The following NXPE2 variants were observed in gnomAD, a reference collection of about 807,000 sequenced individuals.
NXPE2 encodes NXPE family member 2.
In NXPE2, 34 loss-of-function variants were observed where a neutral mutation model predicts 34.4. The ratio of observed to expected loss-of-function variants is 0.99; its 90% confidence interval spans 0.75 to 1.31. The LOEUF (loss-of-function observed/expected upper bound fraction) is 1.31, where lower values mean the gene tolerates loss of function less well. Among genes scored for constraint, NXPE2 ranks in the 40% most tolerant of loss-of-function variants. The probability of loss-of-function intolerance (pLI) is 0.00; values close to 1 mark genes in which losing one functional copy is unlikely to be tolerated. For synonymous variants in NXPE2, 235 were observed against 231.3 expected (o/e 1.02, Z -0.15); for missense variants, 649 against 672.5 (o/e 0.97, Z 0.39).
the NXPE2 span, among the ~76,000 whole-genome samples, chr11:114,723,867 A>G: frequency 2.7e-4 from 41 of 152,298 alleles, no homozygotes; most frequent in Admixed American, 9.2e-4. Flanking sequence ...TGGAATCACA[A>G]GCAATGTGGC....
chr11:114,471,593 A>G, the NXPE2 span, among the ~76,000 whole-genome samples: 70 of 152,324 alleles, frequency 4.6e-4, no homozygotes, highest in South Asian at 4.1e-3. Flanking sequence ...GTAAACAACA[A>G]GAAGCATAGA....
At chr11:114,643,925 C>A in the NXPE2 span, among the ~76,000 whole-genome samples, 2 of 151,800 alleles carry the variant, frequency 1.3e-5, no homozygotes, top group Non-Finnish European at 2.9e-5. Context: ...TTTTTGTGTC[C>A]TCTCTTATTT....
the NXPE2 span, among the ~76,000 whole-genome samples, chr11:114,628,442 A>G: frequency 5.3e-5 from 8 of 152,122 alleles, no homozygotes; most frequent in African/African-American, 1.2e-4. Context: ...ACGAAATGAA[A>G]GCAGAAATAA....
the NXPE2 span, chr11:114,551,398 T>C: frequency 1.3e-5 from 18 of 1,347,046 alleles, no homozygotes; most frequent in Non-Finnish European, 1.7e-5. Flanking sequence ...GGATACTTCT[T>C]GTCGAGGTTT....
the NXPE2 span, among the ~76,000 whole-genome samples, chr11:114,716,817 C>T: frequency 2.0e-5 from 3 of 152,080 alleles, no homozygotes; most frequent in Non-Finnish European, 4.4e-5. Context: ...TTTAATGTTC[C>T]ATACTTTAAG....
At chr11:114,590,986 A>T in the NXPE2 span, among the ~76,000 whole-genome samples, 2 of 152,162 alleles carry the variant, frequency 1.3e-5, no homozygotes, top group Non-Finnish European at 2.9e-5. Flanking sequence ...CCCCAAGAAA[A>T]CTGGGGAACC....
At chr11:114,601,787 A>T in the NXPE2 span, among the ~76,000 whole-genome samples, 4 of 71,792 alleles carry the variant, frequency 5.6e-5, no homozygotes, top group Non-Finnish European at 7.0e-5. Context: ...ATTATATAAC[A>T]TGTGATATAT....
chr11:114,571,328 G>A, the NXPE2 span: 6 of 1,613,906 alleles, frequency 3.7e-6, no homozygotes, highest in African/African-American at 2.7e-5. Context: ...CCCGGGTGAG[G>A]TACTCCATCT....
At chr11:114,500,998 T>C in the NXPE2 span, among the ~76,000 whole-genome samples, 7 of 152,332 alleles carry the variant, frequency 4.6e-5, no homozygotes, top group African/African-American at 1.4e-4. Context: ...CTGTATTTGA[T>C]ACTCTCTTTG....
chr11:114,654,553 A>C, the NXPE2 span, among the ~76,000 whole-genome samples: 2 of 151,930 alleles, frequency 1.3e-5, no homozygotes, highest in African/African-American at 4.8e-5. Context: ...ACTCCCACTT[A>C]TGAGTGAGAA....
chr11:114,720,828 C>T, the NXPE2 span, among the ~76,000 whole-genome samples: 2 of 152,122 alleles, frequency 1.3e-5, no homozygotes, highest in African/African-American at 4.8e-5. Context: ...CAGGTCCAGG[C>T]ACAGTTGAGC....
the NXPE2 span, among the ~76,000 whole-genome samples, chr11:114,659,498 TAATATC>T: frequency 1.7e-4 from 26 of 148,614 alleles, 1 homozygote; most frequent in Admixed American, 1.8e-3. Flanking sequence ...AGATGTGAAA[TAATATC>T]AAGTGGTCTA....
At chr11:114,779,273 T>G in the NXPE2 span, among the ~76,000 whole-genome samples, 11 of 152,090 alleles carry the variant, frequency 7.2e-5, no homozygotes, top group Admixed American at 7.2e-4. Flanking sequence ...GGAAGAGCAT[T>G]TAACTTTTTC....
the NXPE2 span, among the ~76,000 whole-genome samples, chr11:114,621,240 C>T: frequency 1.3e-5 from 2 of 152,026 alleles, no homozygotes; most frequent in African/African-American, 4.8e-5. Flanking sequence ...ACCACAGTTA[C>T]CCGGTGGATA....
At chr11:114,559,462 T>C in the NXPE2 span, among the ~76,000 whole-genome samples, 1 of 152,196 alleles carries the variant, frequency 6.6e-6, no homozygotes, top group Admixed American at 6.5e-5. Flanking sequence ...TCCAACTAGA[T>C]GTTAGGTTGA....
chr11:114,586,683 G>A, the NXPE2 span, among the ~76,000 whole-genome samples: 1 of 152,300 alleles, frequency 6.6e-6, no homozygotes, highest in South Asian at 2.1e-4. Context: ...AGACACCCTG[G>A]TGTTACCTGA....
At chr11:114,776,988 CATTTT>C in the NXPE2 span, among the ~76,000 whole-genome samples, 1 of 152,120 alleles carries the variant, frequency 6.6e-6, no homozygotes, top group Non-Finnish European at 1.5e-5. Flanking sequence ...AAAGAAAAAA[CATTTT>C]TATTTTATTC....
the NXPE2 span, chr11:114,594,813 A>C: frequency 1.0e-6 from 1 of 982,426 alleles, no homozygotes; most frequent in Non-Finnish European, 1.6e-6. Flanking sequence ...CATACAACAA[A>C]ACAGAAAAGC....
the NXPE2 span, among the ~76,000 whole-genome samples, chr11:114,649,131 G>GTT: frequency 2.4e-4 from 35 of 145,182 alleles, no homozygotes; most frequent in Admixed American, 4.8e-4. Flanking sequence ...AGCTTGTCAT[G>GTT]TTTTTTTTTT....
Sources: allele counts gnomAD v4.1 joint callset (sites outside exome capture counted in the v4.1 genomes callset), GRCh38; gene constraint gnomAD v4.1.1; transcripts MANE v1.5; gene names NCBI Gene and HGNC (gene_info 2026-07-23, HGNC 2026-07-21).